Variants in SLC35F4 observed in about 807,000 individuals in gnomAD.
SLC35F4 encodes solute carrier family 35 member F4, also known as chromosome 14 open reading frame 36.
Under a neutral mutation model 44.2 loss-of-function variants are expected in SLC35F4, and 24 were observed. The observed-to-expected ratio is 0.54, with a 90% confidence interval of 0.39 to 0.76. The LOEUF (loss-of-function observed/expected upper bound fraction) is 0.76, where lower values mean the gene tolerates loss of function less well. SLC35F4 is among the 30% of genes least tolerant of loss of function. The pLI is 0.00. For synonymous variants in SLC35F4, 238 were observed against 223.6 expected (o/e 1.06, Z -0.57); for missense variants, 562 against 586.1 (o/e 0.96, Z 0.42).
intron 1 of SLC35F4, among the ~76,000 whole-genome samples, chr14:57,778,525 A>G (rs1182758076): frequency 6.6e-6 from 1 of 152,104 alleles, no homozygotes; most frequent in African/African-American, 2.4e-5. Context: ...CCCACATTAA[A>G]ACACTGGAAG....
chr14:57,933,456 A>G (rs978441850), intron 1 of SLC35F4, among the ~76,000 whole-genome samples: 1 of 152,142 alleles, frequency 6.6e-6, no homozygotes. Context: ...AAAGAGACCA[A>G]GTCACTACTT....
At chr14:57,707,135 G>A (rs2075696834) in intron 1 of SLC35F4, among the ~76,000 whole-genome samples, 1 of 152,202 alleles carries the variant, frequency 6.6e-6, no homozygotes, top group Non-Finnish European at 1.5e-5. Flanking sequence ...GAATAAAGGA[G>A]AAGGTGTAGT....
intron 1 of SLC35F4, among the ~76,000 whole-genome samples, chr14:57,726,487 T>C (rs2076206070): frequency 6.6e-6 from 1 of 152,248 alleles, no homozygotes; most frequent in Admixed American, 6.5e-5. Flanking sequence ...TATACACTTG[T>C]ACTAATATAT....
intron 1 of SLC35F4, among the ~76,000 whole-genome samples, chr14:57,808,229 A>G (rs960383201): frequency 1.3e-5 from 2 of 151,856 alleles, no homozygotes; most frequent in East Asian, 3.8e-4. Context: ...TATTATTGCT[A>G]TAATTTTAGG....
chr14:57,642,947 T>C (rs774640426), intron 1 of SLC35F4, among the ~76,000 whole-genome samples: 4 of 152,012 alleles, frequency 2.6e-5, no homozygotes, highest in Non-Finnish European at 5.9e-5. Flanking sequence ...CTTCCTCTTC[T>C]TGTTATAGGA....
intron 1 of SLC35F4, among the ~76,000 whole-genome samples, chr14:57,961,811 C>A (rs1316266817): frequency 6.6e-6 from 1 of 152,160 alleles, no homozygotes; most frequent in Non-Finnish European, 1.5e-5. Context: ...CAAGCCTCAG[C>A]CCTCCCTGCC....
At chr14:57,758,000 CATGTGTGTGTGTGTGT>C (rs935032411) in intron 1 of SLC35F4, among the ~76,000 whole-genome samples, 2 of 95,950 alleles carry the variant, frequency 2.1e-5, no homozygotes, top group African/African-American at 7.5e-5. Context: ...ATTATAGGTT[CATGTGTGTGTGTGTGT>C]GTGTGTGTGT....
At chr14:57,685,193 T>C (rs2075032076) in intron 1 of SLC35F4, among the ~76,000 whole-genome samples, 2 of 152,168 alleles carry the variant, frequency 1.3e-5, no homozygotes, top group African/African-American at 4.8e-5. Flanking sequence ...TATTATTAAC[T>C]CTGTGAATCA....
rs150005317 is a variant in SLC35F4 at position 57,678,138 on chromosome 14, C to G, written c.104-84014G>C. ...CAGCAAGAGAGAATGGTTGGGGTAC[C>G]CACAAAGGGAAGCCTATCAGACAAA... is the stretch of plus-strand genomic sequence containing the variant. On this transcript the variant is annotated intron_variant, in intron 1 of 7. Transcript: ENST00000556826. Among the ~76,000 whole-genome samples, 45 of 152,076 alleles carry G rather than the reference C, an allele frequency of 3.0e-4. 2 individuals carry two copies. The highest frequency in any genetic ancestry group is 1.0e-3 in the African/African-American group (42 of 41,414).
intron 3 of SLC35F4, among the ~76,000 whole-genome samples, chr14:57,588,455 T>C (rs2069937111): frequency 2.0e-5 from 3 of 152,170 alleles, no homozygotes; most frequent in Admixed American, 2.0e-4. Flanking sequence ...GCAAAGGTAC[T>C]TGGACCCAAA....
At chr14:57,860,657 C>A (rs1014714233) in intron 1 of SLC35F4, among the ~76,000 whole-genome samples, 2 of 152,126 alleles carry the variant, frequency 1.3e-5, no homozygotes, top group African/African-American at 4.8e-5. Flanking sequence ...AATACTCACC[C>A]CAAAAATATC....
Position 57,606,379 on chromosome 14 carries a change from G to C in SLC35F4, c.104-12255C>G, listed in dbSNP as rs1418850745. Among the ~76,000 whole-genome samples, 5 of 152,142 alleles carry C rather than the reference G, an allele frequency of 3.3e-5. No individual in the cohort carries two copies. In the South Asian group the frequency reaches 1.0e-3, roughly 31 times the overall value. On this transcript the variant is annotated intron_variant, in intron 1 of 7. Coordinates refer to ENST00000556826, the MANE Select transcript of SLC35F4 (RefSeq NM_001306087.2). Reference sequence around the variant, plus strand: ...ATGGCATTTTAAAACTCATATTTTAGATGCAGTGGGAGTGCTTATGCTTGA... The same window carrying C: ...ATGGCATTTTAAAACTCATATTTTACATGCAGTGGGAGTGCTTATGCTTGA...
intron 1 of SLC35F4, among the ~76,000 whole-genome samples, chr14:57,686,727 G>T (rs1382156097): frequency 6.6e-6 from 1 of 152,044 alleles, no homozygotes; most frequent in African/African-American, 2.4e-5. Flanking sequence ...ATTTTTCAAG[G>T]CTTTTGATAA....
intron 1 of SLC35F4, among the ~76,000 whole-genome samples, chr14:57,970,127 G>T (rs1439194833): frequency 6.6e-6 from 1 of 152,238 alleles, no homozygotes; most frequent in Non-Finnish European, 1.5e-5. Flanking sequence ...AGTAACTTGA[G>T]AAAATATAAA....
intron 1 of SLC35F4, among the ~76,000 whole-genome samples, chr14:57,953,617 G>A (rs1890182806): frequency 6.6e-6 from 1 of 151,916 alleles, no homozygotes; most frequent in African/African-American, 2.4e-5. Flanking sequence ...AAAAAACCAG[G>A]GATTGCAATC....
At chr14:57,965,613 G>A (rs1482906494) in intron 1 of SLC35F4, among the ~76,000 whole-genome samples, 7 of 152,112 alleles carry the variant, frequency 4.6e-5, no homozygotes, top group African/African-American at 1.4e-4. Context: ...ATTAAATAAC[G>A]TCCACTCTGA....
chr14:57,981,975 A>G (rs370234639), exon 1 of SLC35F4: 86 of 152,296 alleles, frequency 5.6e-4, no homozygotes, highest in African/African-American at 2.0e-3. Context: ...CTTCTGCTGC[A>G]TATCAAGTGT....
At chr14:57,769,265 C>T (rs1330084364) in intron 1 of SLC35F4, among the ~76,000 whole-genome samples, 3 of 152,204 alleles carry the variant, frequency 2.0e-5, no homozygotes, top group East Asian at 3.9e-4. Context: ...GCCATGGGCT[C>T]AACTCACCCA....
intron 1 of SLC35F4, among the ~76,000 whole-genome samples, chr14:57,846,094 A>G (rs1885997667): frequency 6.6e-6 from 1 of 152,232 alleles, no homozygotes; most frequent in Admixed American, 6.5e-5. Context: ...CCTCTGAAAC[A>G]GGTAAGAAAG....
Sources: gnomAD v4.1 joint callset for allele counts (sites outside exome capture counted in the v4.1 genomes callset) on GRCh38, gnomAD v4.1.1 for gene constraint, MANE v1.5 for transcripts, NCBI Gene and HGNC (gene_info 2026-07-23, HGNC 2026-07-21) for gene names.